DRC11: variants seen among roughly 807,000 people sequenced by gnomAD.
DRC11 encodes the protein dynein regulatory complex subunit 11, also known as IQ and AAA domain-containing protein 1.
At chr2:236,447,731 C>T in the DRC11 span, among the ~76,000 whole-genome samples, 1 of 152,328 alleles carries the variant, frequency 6.6e-6, no homozygotes, top group African/African-American at 2.4e-5. This position sits in a 1 kb window ranked among gnomAD's most constrained non-coding sequence, Gnocchi z 4.6. Context: ...AGAGTCCTCA[C>T]ACAGATAGTC....
chr2:236,325,281 T>C, the DRC11 span, among the ~76,000 whole-genome samples: 6 of 152,228 alleles, frequency 3.9e-5, no homozygotes, highest in Non-Finnish European at 8.8e-5. This position sits in a 1 kb window ranked among gnomAD's most constrained non-coding sequence, Gnocchi z 4.4. Flanking sequence ...CTTTGCGTTT[T>C]ATTTGAAACC....
chr2:236,431,339 T>C, the DRC11 span, among the ~76,000 whole-genome samples: 2 of 152,058 alleles, frequency 1.3e-5, no homozygotes, highest in African/African-American at 2.4e-5. The surrounding 1 kb of genome is among the most constrained non-coding windows in gnomAD (Gnocchi z 4.2). Context: ...ACAATCATGG[T>C]GGAAGGGGAA....
the DRC11 span, among the ~76,000 whole-genome samples, chr2:236,354,179 A>ATG: frequency 0.41 from 62,407 of 151,518 alleles, 13,416 homozygotes; most frequent in African/African-American, 0.52. Context: ...ACATGCGTGT[A>ATG]TGTCTGTGGT....
At chr2:236,416,747 A>T in the DRC11 span, among the ~76,000 whole-genome samples, 45 of 56,014 alleles carry the variant, frequency 8.0e-4, no homozygotes, top group Non-Finnish European at 1.6e-3. Flanking sequence ...ATATATATAT[A>T]TATATATATA....
chr2:236,343,689 C>T, the DRC11 span: 1 of 1,300,418 alleles, frequency 7.7e-7, no homozygotes, highest in African/African-American at 1.5e-5. This position sits in a 1 kb window ranked among gnomAD's most constrained non-coding sequence, Gnocchi z 6.6. Context: ...TTCCTGCCAT[C>T]CATTTTGCAT....
At chr2:236,423,487 A>G in the DRC11 span, among the ~76,000 whole-genome samples, 1 of 152,248 alleles carries the variant, frequency 6.6e-6, no homozygotes, top group Admixed American at 6.5e-5. Context: ...AATGCAAATC[A>G]AAACCACAAT....
At chr2:236,336,524 CCAT>C in the DRC11 span, among the ~76,000 whole-genome samples, 7 of 149,470 alleles carry the variant, frequency 4.7e-5, no homozygotes, top group East Asian at 3.9e-4. This position sits in a 1 kb window ranked among gnomAD's most constrained non-coding sequence, Gnocchi z 7.3. Context: ...CTGCCACTGA[CCAT>C]CATCATCTCC....
chr2:236,416,768 T>TATATATATATAAAA, the DRC11 span, among the ~76,000 whole-genome samples: 3 of 92,962 alleles, frequency 3.2e-5, no homozygotes, highest in Non-Finnish European at 2.2e-5. Flanking sequence ...TATATATATA[T>TATATATATATAAAA]AAATAATTTT....
At chr2:236,396,891 G>T in the DRC11 span, among the ~76,000 whole-genome samples, 1 of 152,216 alleles carries the variant, frequency 6.6e-6, no homozygotes, top group African/African-American at 2.4e-5. Context: ...ACTTGGCATT[G>T]CACTGTGAGA....
At chr2:236,507,206 C>T in the DRC11 span, 1 of 1,597,564 alleles carries the variant, frequency 6.3e-7, no homozygotes, top group Non-Finnish European at 8.6e-7. Flanking sequence ...AAGCCACCTT[C>T]TGGCTTGGGG....
At chr2:236,360,407 A>G in the DRC11 span, among the ~76,000 whole-genome samples, 1 of 152,260 alleles carries the variant, frequency 6.6e-6, no homozygotes, top group Non-Finnish European at 1.5e-5. This position sits in a 1 kb window ranked among gnomAD's most constrained non-coding sequence, Gnocchi z 5.8. Context: ...AGTCTGGGAT[A>G]TATAGATGCT....
chr2:236,487,778 T>C, the DRC11 span, among the ~76,000 whole-genome samples: 1 of 152,252 alleles, frequency 6.6e-6, no homozygotes, highest in African/African-American at 2.4e-5. Context: ...TTGAATAAAA[T>C]GCCCTGAGTT....
the DRC11 span, chr2:236,503,793 C>T: frequency 1.7e-6 from 2 of 1,175,804 alleles, no homozygotes; most frequent in Non-Finnish European, 1.2e-6. The surrounding 1 kb of genome is among the most constrained non-coding windows in gnomAD (Gnocchi z 4.9). Flanking sequence ...CATGCCTCGG[C>T]CACGCCAGCC....
chr2:236,373,836 C>A, the DRC11 span, among the ~76,000 whole-genome samples: 1 of 152,156 alleles, frequency 6.6e-6, no homozygotes, highest in Non-Finnish European at 1.5e-5. Flanking sequence ...GATGTTCTGG[C>A]TCTGGTCCCC....
the DRC11 span, among the ~76,000 whole-genome samples, chr2:236,386,007 G>A: frequency 3.3e-3 from 382 of 115,978 alleles, no homozygotes; most frequent in Admixed American, 5.8e-3. Context: ...TCCCAGGGAT[G>A]AAGCCCACTT....
chr2:236,314,931 A>G, the DRC11 span, among the ~76,000 whole-genome samples: 1 of 152,178 alleles, frequency 6.6e-6, no homozygotes. This position sits in a 1 kb window ranked among gnomAD's most constrained non-coding sequence, Gnocchi z 4.5. Flanking sequence ...TTTTGGTGGA[A>G]ATGCATAAGC....
chr2:236,412,201 C>G, the DRC11 span, among the ~76,000 whole-genome samples: 2 of 152,284 alleles, frequency 1.3e-5, no homozygotes, highest in East Asian at 3.9e-4. Context: ...AGCCAATTCT[C>G]ACTTCTCATG....
chr2:236,405,249 G>C, the DRC11 span, among the ~76,000 whole-genome samples: 3 of 151,954 alleles, frequency 2.0e-5, no homozygotes, highest in Admixed American at 2.0e-4. This position sits in a 1 kb window ranked among gnomAD's most constrained non-coding sequence, Gnocchi z 4.6. Context: ...TTCCACACTT[G>C]CTGGCTGAAC....
chr2:236,494,927 T>C, the DRC11 span, among the ~76,000 whole-genome samples: 1 of 152,228 alleles, frequency 6.6e-6, no homozygotes, highest in African/African-American at 2.4e-5. The surrounding 1 kb of genome is among the most constrained non-coding windows in gnomAD (Gnocchi z 4.2). Context: ...AGAAGAATGA[T>C]GACACTTTGA....
Sources: allele counts gnomAD v4.1 joint callset (sites outside exome capture counted in the v4.1 genomes callset), GRCh38; gene constraint gnomAD v4.1.1; non-coding constraint Gnocchi (gnomAD v3.1); transcripts MANE v1.5; gene names NCBI Gene and HGNC (gene_info 2026-07-23, HGNC 2026-07-21).